COL23A1: variants seen among roughly 807,000 people sequenced by gnomAD.
COL23A1 encodes collagen alpha-1(XXIII) chain.
A neutral mutation model predicts 99.3 loss-of-function variants in COL23A1; 97 were observed. The ratio of observed to expected loss-of-function variants is 0.98; its 90% confidence interval spans 0.83 to 1.16. The LOEUF (loss-of-function observed/expected upper bound fraction) is 1.16, where lower values mean the gene tolerates loss of function less well. Ranked by LOEUF, COL23A1 falls within the 50% of genes most tolerant of loss-of-function variation. The pLI, the probability that COL23A1 is intolerant of heterozygous loss-of-function variation, is 0.00. For missense variants in COL23A1, 762 were observed against 757.4 expected, an observed-to-expected ratio of 1.01 and a Z score of -0.07; for synonymous variants, 320 against 308.2, an observed-to-expected ratio of 1.04 and a Z score of -0.40.
At chr5:178,391,054 G>A (rs1036323854) in intron 2 of COL23A1, among the ~76,000 whole-genome samples, 1 of 152,238 alleles carries the variant, frequency 6.6e-6, no homozygotes, top group Non-Finnish European at 1.5e-5. Context: ...AGGACAGTGA[G>A]CATTACCGCC....
intron 2 of COL23A1, among the ~76,000 whole-genome samples, chr5:178,484,402 C>G (rs1757498845): frequency 6.6e-6 from 1 of 152,224 alleles, no homozygotes; most frequent in South Asian, 2.1e-4. Context: ...AGAAGCCCTT[C>G]TTGATTTACC....
chr5:178,382,317 T>G (rs1466317591), intron 2 of COL23A1, among the ~76,000 whole-genome samples: 1 of 152,142 alleles, frequency 6.6e-6, no homozygotes, highest in Non-Finnish European at 1.5e-5. Flanking sequence ...CCTCCAGGGC[T>G]TTTGTGTTTG....
chr5:178,475,636 A>G (rs1756987613), intron 2 of COL23A1, among the ~76,000 whole-genome samples: 1 of 152,194 alleles, frequency 6.6e-6, no homozygotes, highest in Non-Finnish European at 1.5e-5. Flanking sequence ...TAAACTCAGC[A>G]GCTTAAAGCT....
chr5:178,286,477 C>T (rs1013491490), intron 5 of COL23A1, among the ~76,000 whole-genome samples: 1 of 152,230 alleles, frequency 6.6e-6, no homozygotes, highest in Non-Finnish European at 1.5e-5. Flanking sequence ...CACTCAGCTT[C>T]GTCTTTAATT....
intron 7 of COL23A1, among the ~76,000 whole-genome samples, chr5:178,268,294 G>A (rs1463643507): frequency 2.0e-5 from 3 of 152,134 alleles, no homozygotes; most frequent in Admixed American, 1.3e-4. Flanking sequence ...GGGCTTTAGT[G>A]CCTGATACCA....
chr5:178,579,155 T>TA (rs1389977415), intron 1 of COL23A1, among the ~76,000 whole-genome samples: 1 of 152,192 alleles, frequency 6.6e-6, no homozygotes, highest in African/African-American at 2.4e-5. Flanking sequence ...AAAAGAATCT[T>TA]AAAGTCAGCC....
intron 2 of COL23A1, among the ~76,000 whole-genome samples, chr5:178,502,499 G>T (rs1217279261): frequency 6.6e-6 from 1 of 152,160 alleles, no homozygotes; most frequent in Non-Finnish European, 1.5e-5. Context: ...CACATGGAAA[G>T]ATCCTCAGTG....
In COL23A1 at chr5:178,569,047, C is replaced by T. The variant is rs577892582; in HGVS notation, c.295-8299G>A. ...AGTCATTTTACACTGCCACCAGCAA[C>T]GTATGACAGTTCCAATTTCTCCACA... On this transcript the variant is annotated intron_variant, in intron 1 of 28. Coordinates refer to ENST00000390654, the MANE Select transcript of COL23A1 (RefSeq NM_173465.4). Among the ~76,000 whole-genome samples, 15 of 152,318 alleles carry T rather than the reference C, an allele frequency of 9.8e-5. 1 individual carries two copies. Among genetic ancestry groups the T allele is most frequent in the East Asian group, 3.9e-4 (2 of 5,184 alleles).
intron 2 of COL23A1, among the ~76,000 whole-genome samples, chr5:178,391,555 C>G (rs1763963731): frequency 6.6e-6 from 1 of 152,106 alleles, no homozygotes. Context: ...ACTAGGATGG[C>G]CAGAATAAAA....
At chr5:178,502,353 G>C (rs567733684) in intron 2 of COL23A1, among the ~76,000 whole-genome samples, 4 of 152,260 alleles carry the variant, frequency 2.6e-5, no homozygotes, top group East Asian at 3.9e-4. Flanking sequence ...GGATGGTCTC[G>C]ATCTTCTGAC....
At chr5:178,496,776 A>T (rs999790068) in intron 2 of COL23A1, among the ~76,000 whole-genome samples, 1 of 152,194 alleles carries the variant, frequency 6.6e-6, no homozygotes, top group Admixed American at 6.5e-5. Context: ...GGGAAATAAG[A>T]TGTATTACAA....
At chr5:178,413,835 G>A (rs1001872045) in intron 2 of COL23A1, among the ~76,000 whole-genome samples, 2 of 152,140 alleles carry the variant, frequency 1.3e-5, no homozygotes, top group African/African-American at 4.8e-5. Context: ...CGGTATTGTT[G>A]TAAAAGCTAA....
chr5:178,588,160 T>G (rs1438363606), intron 1 of COL23A1, among the ~76,000 whole-genome samples: 1 of 152,166 alleles, frequency 6.6e-6, no homozygotes, highest in East Asian at 1.9e-4. Flanking sequence ...CCCTGTCCAA[T>G]AACTCATTGT....
chr5:178,479,802 A>T lies in COL23A1; in HGVS notation c.361+80880T>A, dbSNP rs568963157. Among the ~76,000 whole-genome samples the T allele has an allele frequency of 9.2e-5, 14 of 152,316 alleles. 1 individual carries two copies. The South Asian group carries it at 2.9e-3, about 32-fold the overall frequency. ...TCCGAATTTGCTTTAAAATATAGTC[A>T]TGCCTCTCTTAATGACAGGATGCAT... On this transcript the variant is annotated intron_variant, in intron 2 of 28. Transcript: ENST00000390654.
chr5:178,484,556 G>A (rs1320525589), intron 2 of COL23A1, among the ~76,000 whole-genome samples: 3 of 151,888 alleles, frequency 2.0e-5, no homozygotes, highest in African/African-American at 7.2e-5. Context: ...GGGCGTGGTG[G>A]CTCACGCCTG....
At chr5:178,290,395 C>T (rs2127586083) in intron 3 of COL23A1, 26 bp from the exon 4 acceptor site, 1 of 1,614,122 alleles carries the variant, frequency 6.2e-7, no homozygotes. Context: ...AGAGAAGCCA[C>T]AGTCAGTGTG....
chr5:178,590,013 T>G lies in COL23A1; in HGVS notation c.185A>C (p.Gln62Pro). The G allele has an allele frequency of 7.4e-7, 1 of 1,355,196 alleles. No homozygotes were observed. Among genetic ancestry groups the G allele is most frequent in the Non-Finnish European group, 9.5e-7 (1 of 1,053,312 alleles). The allele number at this position is 1,355,196 out of a possible 1,614,324, so 83.9% of individuals were successfully genotyped here. Residue 62 changes from glutamine (Q) to proline (P), a missense_variant, in exon 1 of 29, where the codon CAG (glutamine) becomes CCG (proline). Coordinates refer to ENST00000390654, the MANE Select transcript of COL23A1 (RefSeq NM_173465.4). The surrounding 1 kb of genome is among the most constrained non-coding windows in gnomAD (Gnocchi z 5.7). Reference sequence around the variant, plus strand: ...CTCCTCGAGCGCCGCCACCCGGCCCTGCAGCGCGGCCGCCTGGACACCCAG... The same window carrying G: ...CTCCTCGAGCGCCGCCACCCGGCCCGGCAGCGCGGCCGCCTGGACACCCAG... ...LLLGVQAAALQGRVAALEEER... is the reference protein window; with the variant it reads ...LLLGVQAAALPGRVAALEEER...
intron 12 of COL23A1, among the ~76,000 whole-genome samples, chr5:178,258,437 C>T (rs1281190298): frequency 1.3e-4 from 18 of 139,856 alleles, no homozygotes; most frequent in African/African-American, 4.8e-4. Context: ...CACTCTGTCG[C>T]CCAGGTTGGA....
intron 2 of COL23A1, among the ~76,000 whole-genome samples, chr5:178,486,139 T>C (rs765521939): frequency 7.9e-5 from 12 of 152,232 alleles, no homozygotes; most frequent in Non-Finnish European, 1.8e-4. Context: ...GGTACCAGAT[T>C]TGACTCTTGT....
Sources: allele counts gnomAD v4.1 joint callset (sites outside exome capture counted in the v4.1 genomes callset), GRCh38; gene constraint gnomAD v4.1.1; non-coding constraint Gnocchi (gnomAD v3.1); transcripts MANE v1.5; gene names NCBI Gene and HGNC (gene_info 2026-07-23, HGNC 2026-07-21).